The following HHIPL1 variants were observed in gnomAD, a reference collection of about 807,000 sequenced individuals.
HHIPL1 encodes the protein HHIP like 1, also known as HHIP-like protein 1.
A neutral mutation model predicts 61.8 loss-of-function variants in HHIPL1; 43 were observed. The ratio of observed to expected loss-of-function variants is 0.70; its 90% CI spans 0.55 to 0.90. The LOEUF (loss-of-function observed/expected upper bound fraction) is 0.90, where lower values mean the gene tolerates loss of function less well. Among genes scored for constraint, HHIPL1 ranks in the 40% least tolerant of loss-of-function variants. The pLI is 0.00. For synonymous variants in HHIPL1, 482 were observed against 515.8 expected, an observed-to-expected ratio of 0.93 and a Z score of 0.89; for missense variants, 1,056 against 1,157.7, an observed-to-expected ratio of 0.91 and a Z score of 1.28.
the HHIPL1 span, among the ~76,000 whole-genome samples, chr14:99,624,590 C>A: frequency 6.6e-6 from 1 of 152,218 alleles, no homozygotes; most frequent in Non-Finnish European, 1.5e-5. Context: ...CCCACATCTC[C>A]ATCCTGGGAT....
intron 5 of HHIPL1, 107 bp from the exon 6 acceptor site, chr14:99,662,769 G>A: frequency 1.9e-6 from 2 of 1,032,574 alleles, no homozygotes; most frequent in East Asian, 2.5e-5. Context: ...AGGGAAGAAG[G>A]GAGGGAGGAA....
At chr14:99,627,298 A>G in the HHIPL1 span, among the ~76,000 whole-genome samples, 4 of 149,224 alleles carry the variant, frequency 2.7e-5, no homozygotes, top group African/African-American at 1.0e-4. The surrounding 1 kb of genome is among the most constrained non-coding windows in gnomAD (Gnocchi z 4.4). Flanking sequence ...TCATCCATCT[A>G]CTCTTCCATC....
chr14:99,653,794 G>A (rs966292230), intron 2 of HHIPL1, among the ~76,000 whole-genome samples: 21 of 152,196 alleles, frequency 1.4e-4, no homozygotes, highest in Non-Finnish European at 2.8e-4. Flanking sequence ...CCTTGCACGT[G>A]GGGCACATGT....
upstream of HHIPL1, among the ~76,000 whole-genome samples, chr14:99,640,960 C>T (rs2055743693): frequency 1.5e-5 from 2 of 134,968 alleles, no homozygotes; most frequent in South Asian, 4.9e-4. Context: ...GATCTTGGCT[C>T]ACTGCAAGCT....
the HHIPL1 span, among the ~76,000 whole-genome samples, chr14:99,614,853 T>C: frequency 2.5e-4 from 38 of 152,060 alleles, no homozygotes; most frequent in African/African-American, 8.7e-4. Context: ...CCGTATCTAA[T>C]GGGATAAAAT....
intron 1 of HHIPL1, among the ~76,000 whole-genome samples, chr14:99,648,282 C>T (rs2055873061): frequency 6.6e-6 from 1 of 152,208 alleles, no homozygotes; most frequent in Non-Finnish European, 1.5e-5. Context: ...CAAACACATA[C>T]ATCTTCTCCA....
chr14:99,658,399 CAG>C (rs1357270026), intron 3 of HHIPL1, among the ~76,000 whole-genome samples: 1 of 152,132 alleles, frequency 6.6e-6, no homozygotes, highest in African/African-American at 2.4e-5. Context: ...AGGCCAGCAA[CAG>C]GGGCTTGATC....
chr14:99,639,169 C>T, the HHIPL1 span, among the ~76,000 whole-genome samples: 1 of 152,204 alleles, frequency 6.6e-6, no homozygotes, highest in Non-Finnish European at 1.5e-5. Context: ...CGGGTTCTGG[C>T]TTCTATATCA....
At chr14:99,666,268 C>A (rs998599731) in intron 6 of HHIPL1, among the ~76,000 whole-genome samples, 2 of 152,152 alleles carry the variant, frequency 1.3e-5, no homozygotes, top group Non-Finnish European at 2.9e-5. Flanking sequence ...GGAGGACAGG[C>A]GAAGGTCAGA....
the HHIPL1 span, among the ~76,000 whole-genome samples, chr14:99,610,504 A>T: frequency 2.0e-3 from 299 of 152,290 alleles, 2 homozygotes; most frequent in African/African-American, 6.7e-3. Context: ...TCACACCTGT[A>T]ATCCCAGCAC....
chr14:99,659,781 C>G (rs1279612555), intron 4 of HHIPL1, 25 bp downstream of exon 4: 2 of 1,384,428 alleles, frequency 1.4e-6, no homozygotes, highest in South Asian at 1.6e-5. Context: ...CCCGGGGACC[C>G]CGGCCCCGAA....
chr14:99,668,938 C>A lies in HHIPL1; in HGVS notation c.1730+635C>A. 1 of 1,609,710 alleles carries A rather than the reference C, an allele frequency of 6.2e-7. No individual in the cohort carries two copies. Among genetic ancestry groups the A allele is most frequent in the South Asian group, 1.1e-5 (1 of 90,904 alleles). ...ACAGTGGTGGAAATGAGCACAAAGA[C>A]ACGAAGTCATGGGCCTGGGGCCCAG... is the stretch of plus-strand genomic sequence containing the variant. On this transcript the variant is annotated intron_variant, in intron 7 of 8. Transcript: ENST00000330710. The surrounding 1 kb of genome is among the most constrained non-coding windows in gnomAD (Gnocchi z 4.7).
intron 8 of HHIPL1, among the ~76,000 whole-genome samples, chr14:99,672,687 G>C (rs967271379): frequency 1.3e-5 from 2 of 152,230 alleles, no homozygotes; most frequent in African/African-American, 2.4e-5. Flanking sequence ...GAAAGAGGAT[G>C]TATCTGTGTG....
At chr14:99,661,556 C>A (rs868309111) in intron 5 of HHIPL1, among the ~76,000 whole-genome samples, 4 of 152,056 alleles carry the variant, frequency 2.6e-5, no homozygotes, top group African/African-American at 9.7e-5. Context: ...CAGCCTCCAC[C>A]TCCCAGGCTC....
chr14:99,636,993 AAAGAAAG>A, the HHIPL1 span, among the ~76,000 whole-genome samples: 164 of 130,962 alleles, frequency 1.3e-3, no homozygotes, highest in African/African-American at 4.4e-3. Flanking sequence ...AAGAAAGAAG[AAAGAAAG>A]AAGAAAGAAA....
chr14:99,675,644 C>A lies in HHIPL1; in HGVS notation c.*18C>A. ...ACCTGTAGGCAACACGCCGCTGCCC[C>A]AGGCCATCCCGCCGGCGGGGGAGCC... On this transcript the variant is annotated 3_prime_UTR_variant, in exon 9 of 9. Coordinates refer to ENST00000330710, the MANE Select transcript of HHIPL1 (RefSeq NM_001127258.3). The surrounding 1 kb of genome is among the most constrained non-coding windows in gnomAD (Gnocchi z 5.4). The A allele has an allele frequency of 6.7e-7, 1 of 1,488,042 alleles. No individual in the cohort carries two copies. The highest frequency in any genetic ancestry group is 1.3e-5 in the South Asian group (1 of 77,726). 92.2% of individuals were successfully genotyped at this position (1,488,042 alleles called of 1,614,324 possible).
the HHIPL1 span, among the ~76,000 whole-genome samples, chr14:99,619,687 G>C: frequency 2.0e-5 from 3 of 152,062 alleles, no homozygotes; most frequent in Non-Finnish European, 2.9e-5. Context: ...GAAGCCTAGA[G>C]TGCTAAGCCA....
At chr14:99,656,518 G>C (rs1433293743) in intron 2 of HHIPL1, among the ~76,000 whole-genome samples, 2 of 152,066 alleles carry the variant, frequency 1.3e-5, no homozygotes, top group Non-Finnish European at 2.9e-5. Context: ...TCTCACGCCT[G>C]TAATCACAGC....
the HHIPL1 span, among the ~76,000 whole-genome samples, chr14:99,610,786 A>C: frequency 6.6e-6 from 1 of 152,118 alleles, no homozygotes; most frequent in East Asian, 1.9e-4. Flanking sequence ...TTGATTTTGC[A>C]TGCTTTTGAA....
Sources: allele counts gnomAD v4.1 joint callset (sites outside exome capture counted in the v4.1 genomes callset), GRCh38; gene constraint gnomAD v4.1.1; non-coding constraint Gnocchi (gnomAD v3.1); transcripts MANE v1.5; gene names NCBI Gene and HGNC (gene_info 2026-07-23, HGNC 2026-07-21).